The following LARP6 variants were observed in gnomAD, a reference collection of about 807,000 sequenced individuals.
The protein encoded by LARP6 is La ribonucleoprotein 6, translational regulator.
In LARP6, 18 loss-of-function variants were observed where a neutral mutation model predicts 32.8. That is an observed-to-expected ratio of 0.55 (90% CI 0.38 to 0.81). LARP6 has a LOEUF of 0.81. LARP6 is among the 40% of genes least tolerant of loss of function. The pLI is 0.00. For missense variants in LARP6, 598 were observed against 663.1 expected, an observed-to-expected ratio of 0.90 and a Z score of 1.08; for synonymous variants, 289 against 267.2, an observed-to-expected ratio of 1.08 and a Z score of -0.80.
rs756309403 is a variant in LARP6 at position 70,854,103 on chromosome 15, C to A, written c.-15G>T. Reference sequence around the variant, plus strand: ...GACTGGGCCATGGCTCGCGGGACTGCGGCGCCGCCGGGGTCCTCACGCCGC... The same window carrying A: ...GACTGGGCCATGGCTCGCGGGACTGAGGCGCCGCCGGGGTCCTCACGCCGC... On this transcript the variant is annotated 5_prime_UTR_variant, in exon 1 of 3. Transcript: ENST00000299213. The A allele has an allele frequency of 6.9e-5, 86 of 1,252,172 alleles. No homozygotes were observed. Among genetic ancestry groups the A allele is most frequent in the Non-Finnish European group, 8.2e-5 (82 of 995,416 alleles). The allele number at this position is 1,252,172 out of a possible 1,614,324, so 77.6% of individuals were successfully genotyped here. A position where few individuals can be genotyped will look rare whatever the true frequency, so the allele number is the denominator to read the frequency against.
chr15:70,848,618 G>A (rs754102697), intron 1 of LARP6, among the ~76,000 whole-genome samples: 3 of 152,066 alleles, frequency 2.0e-5, no homozygotes, highest in Admixed American at 6.5e-5. Context: ...TGCAATCCCA[G>A]CTACTCGGGA....
In LARP6 at chr15:70,832,144, C is replaced by A. The variant is rs1160713426; in HGVS notation, c.1384G>T (p.Asp462Tyr). Reference sequence around the variant, plus strand: ...CTCAGCACCCCTACGGGTAGCCCATCTGCAGTCTGCATCTTCCGGGAGAGC... The same window carrying A: ...CTCAGCACCCCTACGGGTAGCCCATATGCAGTCTGCATCTTCCGGGAGAGC... ...PLLSRKMQTA[D>Y]GLPVGVLRLP... Residue 462 changes from aspartate (D) to tyrosine (Y), a missense_variant, in exon 3 of 3, where the codon GAT (aspartate) becomes TAT (tyrosine). By Grantham distance (160) the Asp-to-Tyr change is radical. Around this residue, in one of 3 missense-constraint regions of LARP6, gnomAD observed 368 missense variants for 397.9 expected, o/e 0.92. Coordinates refer to ENST00000299213, the MANE Select transcript of LARP6 (RefSeq NM_018357.4). 2 of 1,612,080 alleles carry A rather than the reference C, an allele frequency of 1.2e-6. No homozygotes were observed. The highest frequency in any genetic ancestry group is 1.1e-5 in the South Asian group (1 of 90,686).
At chr15:70,836,628 A>T in intron 1 of LARP6, 123 bp from the exon 2 acceptor site, 2 of 734,690 alleles carry the variant, frequency 2.7e-6, no homozygotes, top group South Asian at 3.4e-5. Flanking sequence ...AATGGGGGTC[A>T]CTGCAGATGC....
Position 70,836,336 on chromosome 15 carries a change from G to A in LARP6, c.370C>T (p.Leu124=). The A allele has an allele frequency of 6.2e-7, 1 of 1,614,182 alleles. No individual in the cohort carries two copies. Among genetic ancestry groups the A allele is most frequent in the South Asian group, 1.1e-5 (1 of 91,076 alleles). Residue 124 remains leucine (L), a synonymous_variant, in exon 2 of 3, where the codon CTG becomes TTG. Coordinates refer to ENST00000299213, the MANE Select transcript of LARP6 (RefSeq NM_018357.4). The stretch of plus-strand genomic sequence containing the variant: ...AGTAGCTTAACGCTCACATATCCCA[G>A]CTTGTTCCTCCTCACGTGTTTTAGC... The part of the protein sequence containing the change: ...FLLKHVRRNK[L]GYVSVKLLTS...
intron 2 of LARP6, 120 bp from the exon 3 acceptor site, chr15:70,833,236 G>A: frequency 1.3e-6 from 1 of 767,156 alleles, no homozygotes; most frequent in Non-Finnish European, 2.2e-6. Flanking sequence ...GTATTCTAGT[G>A]TCTAGAATCA....
chr15:70,832,076 A>T lies in LARP6; in HGVS notation c.1452T>A (p.His484Gln). ...GPDNTRGFHG[H>Q]ERSRACV Reference sequence around the variant, plus strand: ...TTTATACACAGGCCCTGCTCCTCTCATGGCCATGAAATCCTCTGGTGTTGT... The same window carrying T: ...TTTATACACAGGCCCTGCTCCTCTCTTGGCCATGAAATCCTCTGGTGTTGT... Residue 484 changes from histidine to glutamine, a missense_variant, in exon 3 of 3, where the codon CAT becomes CAA. Coordinates refer to ENST00000299213, the MANE Select transcript of LARP6 (RefSeq NM_018357.4). The T allele has an allele frequency of 6.5e-7, 1 of 1,532,578 alleles. No homozygotes were observed. The highest frequency in any genetic ancestry group is 8.8e-7 in the Non-Finnish European group (1 of 1,141,190). The allele number at this position is 1,532,578 out of a possible 1,614,324, so 94.9% of individuals were successfully genotyped here. A position where few individuals can be genotyped will look rare whatever the true frequency, so the allele number is the denominator to read the frequency against.
Position 70,830,679 on chromosome 15 carries a change from G to A in LARP6, c.*1373C>T, listed in dbSNP as rs1256535881. The A allele has an allele frequency of 2.6e-5, 4 of 152,184 alleles. No homozygotes were observed. The highest frequency in any genetic ancestry group is 9.7e-5 in the African/African-American group (4 of 41,438). 9.4% of individuals were successfully genotyped at this position (152,184 alleles called of 1,614,324 possible). On this transcript the variant is annotated 3_prime_UTR_variant, in exon 3 of 3. Transcript: ENST00000299213. Reference sequence around the variant, plus strand: ...TGTAGTTTTTGGGCAGATTAAATGAGATAATGCATGGAAAGCTCTTAGCAT... The same window carrying A: ...TGTAGTTTTTGGGCAGATTAAATGAAATAATGCATGGAAAGCTCTTAGCAT...
At position 70,832,057 on chromosome 15, in the gene LARP6, C is replaced by G; in HGVS notation, c.1471G>C (p.Val491Leu). 6.6e-7 allele frequency: 1 copy of G among 1,506,710 alleles called. No individual in the cohort carries two copies. Among genetic ancestry groups the G allele is most frequent in the Non-Finnish European group, 8.9e-7 (1 of 1,127,166 alleles). 93.3% of individuals were successfully genotyped at this position (1,506,710 alleles called of 1,614,324 possible). A position where few individuals can be genotyped will look rare whatever the true frequency, so the allele number is the denominator to read the frequency against. Residue 491 changes from valine (V) to leucine (L), a missense_variant, in exon 3 of 3, where the codon GTA (valine) becomes CTA (leucine). By Grantham distance (32) the Val-to-Leu change is conservative. Coordinates refer to ENST00000299213, the MANE Select transcript of LARP6 (RefSeq NM_018357.4). ...FHGHERSRACV is the reference protein window; with the variant it reads ...FHGHERSRACL ...GTATTAAAAATAGAAGGTATTTATACACAGGCCCTGCTCCTCTCATGGCCA... is the reference window on the plus strand; with the variant it reads ...GTATTAAAAATAGAAGGTATTTATAGACAGGCCCTGCTCCTCTCATGGCCA...
Position 70,831,133 on chromosome 15 carries a change from C to T in LARP6, c.*919G>A, listed in dbSNP as rs2032033090. 1.3e-5 allele frequency: 2 copies of T among 152,224 alleles called. No individual in the cohort carries two copies. The highest frequency in any genetic ancestry group is 2.9e-5 in the Non-Finnish European group (2 of 68,076). The allele number at this position is 152,224 out of a possible 1,614,324, so 9.4% of individuals were successfully genotyped here. On this transcript the variant is annotated 3_prime_UTR_variant, in exon 3 of 3. Coordinates refer to ENST00000299213, the MANE Select transcript of LARP6 (RefSeq NM_018357.4). ...TCCCAGACTTTCTAATTCAGTGGGC[C>T]TAGGGTTGGCCTGAGAATCTGGATT...
chr15:70,851,623 A>G, intron 1 of LARP6: 1 of 1,610,894 alleles, frequency 6.2e-7, no homozygotes. Flanking sequence ...ATACGCATTC[A>G]GTCAACAAAC....
intron 1 of LARP6, 33 bp downstream of exon 1, chr15:70,853,856 G>T (rs1356209962): frequency 8.1e-7 from 1 of 1,233,786 alleles, no homozygotes; most frequent in African/African-American, 1.6e-5. Context: ...CGCCCCCTCG[G>T]GGCCCACCTC....
Position 70,831,627 on chromosome 15 carries a change from A to G in LARP6, c.*425T>C, listed in dbSNP as rs567661942. 6.5e-6 allele frequency: 1 copy of G among 153,766 alleles called. No individual in the cohort carries two copies. The highest frequency in any genetic ancestry group is 1.9e-4 in the East Asian group (1 of 5,214). 9.5% of individuals were successfully genotyped at this position (153,766 alleles called of 1,614,324 possible). A position where few individuals can be genotyped will look rare whatever the true frequency, so the allele number is the denominator to read the frequency against. The stretch of plus-strand genomic sequence containing the variant: ...AAGACACCATGCTATAGGCTTAGCT[A>G]CTTGCTGTTGCACAAGAGAACTTTC... On this transcript the variant is annotated 3_prime_UTR_variant, in exon 3 of 3. Coordinates refer to ENST00000299213, the MANE Select transcript of LARP6 (RefSeq NM_018357.4).
chr15:70,843,419 G>A (rs1361823445), intron 1 of LARP6, among the ~76,000 whole-genome samples: 1 of 152,100 alleles, frequency 6.6e-6, no homozygotes, highest in Non-Finnish European at 1.5e-5. Context: ...CCTCCCTAGA[G>A]GTAACTTCTC....
chr15:70,834,004 C>T (rs576172659), intron 2 of LARP6, among the ~76,000 whole-genome samples: 1 of 152,252 alleles, frequency 6.6e-6, no homozygotes, highest in East Asian at 1.9e-4. Context: ...AAGGGAATGC[C>T]AGGGGGAATG....
At chr15:70,849,550 C>A (rs2032411099) in intron 1 of LARP6, 1 of 152,078 alleles carries the variant, frequency 6.6e-6, no homozygotes, top group African/African-American at 2.4e-5. Flanking sequence ...GGCTGAATTC[C>A]ATGACTGGAG....
chr15:70,849,631 A>T (rs2032413214), intron 1 of LARP6: 1 of 152,204 alleles, frequency 6.6e-6, no homozygotes, highest in South Asian at 2.1e-4. Flanking sequence ...ACTAATGGGC[A>T]TGTTACAAAA....
At chr15:70,844,905 C>T (rs1470909691) in intron 1 of LARP6, among the ~76,000 whole-genome samples, 2 of 152,192 alleles carry the variant, frequency 1.3e-5, no homozygotes, top group Non-Finnish European at 2.9e-5. Flanking sequence ...ACATCATCAC[C>T]TCTGTATCCT....
At chr15:70,851,519 G>C in intron 1 of LARP6, 1 of 1,477,306 alleles carries the variant, frequency 6.8e-7, no homozygotes, top group Non-Finnish European at 9.1e-7. Context: ...ATACAAAAAG[G>C]AATAAGATAA....
intron 1 of LARP6, among the ~76,000 whole-genome samples, chr15:70,840,691 A>T (rs1225044493): frequency 6.6e-6 from 1 of 152,156 alleles, no homozygotes; most frequent in African/African-American, 2.4e-5. Context: ...GCCGGTGAAG[A>T]GTTTTGAGCA....
Sources: gnomAD v4.1 joint callset for allele counts (sites outside exome capture counted in the v4.1 genomes callset) on GRCh38, gnomAD v4.1.1 for gene constraint, gnomAD v4.1.1 regional missense constraint, MANE v1.5 for transcripts, NCBI Gene and HGNC (gene_info 2026-07-23, HGNC 2026-07-21) for gene names.